SLC25A48: variants seen among roughly 807,000 people sequenced by gnomAD.
SLC25A48 encodes the protein CTC-321K16.1.
Under a neutral mutation model 32.2 loss-of-function variants are expected in SLC25A48, and 29 were observed. That is an observed-to-expected ratio of 0.90 (90% CI 0.67 to 1.23). The LOEUF (loss-of-function observed/expected upper bound fraction) is 1.23. SLC25A48 is among the 50% of genes most tolerant of loss of function. The probability of loss-of-function intolerance (pLI) is 0.00; values close to 1 mark genes in which losing one functional copy is unlikely to be tolerated. For missense variants in SLC25A48, 399 were observed against 422.7 expected (o/e 0.94, Z 0.49); for synonymous variants, 164 against 172.3 (o/e 0.95, Z 0.38).
At chr5:135,882,776 G>A (rs1762570447) in intron 7 of SLC25A48, among the ~76,000 whole-genome samples, 1 of 152,194 alleles carries the variant, frequency 6.6e-6, no homozygotes, top group Non-Finnish European at 1.5e-5. Flanking sequence ...GAGCTCCCTG[G>A]AATAGTGCTG....
At chr5:135,858,749 T>C (rs1037064471) in intron 4 of SLC25A48, among the ~76,000 whole-genome samples, 2 of 152,234 alleles carry the variant, frequency 1.3e-5, no homozygotes, top group East Asian at 1.9e-4. Flanking sequence ...AAAATTGTCA[T>C]GCACACAAAT....
chr5:135,885,471 A>G (rs1762682112), intron 7 of SLC25A48, among the ~76,000 whole-genome samples: 1 of 152,008 alleles, frequency 6.6e-6, no homozygotes, highest in Non-Finnish European at 1.5e-5. Flanking sequence ...CAGATGCTTT[A>G]AGCCCTTAGA....
intron 3 of SLC25A48, among the ~76,000 whole-genome samples, chr5:135,765,188 C>T (rs1321427385): frequency 6.6e-6 from 1 of 151,002 alleles, no homozygotes; most frequent in Non-Finnish European, 1.5e-5. Flanking sequence ...GGTGTACACC[C>T]CTCTGTTTTA....
intron 4 of SLC25A48, among the ~76,000 whole-genome samples, chr5:135,829,252 C>T (rs1356233117): frequency 4.6e-5 from 7 of 152,152 alleles, no homozygotes; most frequent in Admixed American, 3.3e-4. Context: ...TCAGATGGGA[C>T]CTTGACAGCA....
chr5:135,610,345 TTAATA>T (rs1752037554), intron 1 of SLC25A48, among the ~76,000 whole-genome samples: 1 of 152,244 alleles, frequency 6.6e-6, no homozygotes, highest in Admixed American at 6.5e-5. Flanking sequence ...GTGCTGACTT[TTAATA>T]TAATTATTTA....
chr5:135,878,533 C>T (rs941105991), intron 6 of SLC25A48, among the ~76,000 whole-genome samples: 3 of 152,174 alleles, frequency 2.0e-5, no homozygotes, highest in East Asian at 1.9e-4. Context: ...GATCCTTGTC[C>T]ATCAGCCCCT....
intron 1 of SLC25A48, among the ~76,000 whole-genome samples, chr5:135,837,202 G>A (rs1250866128): frequency 2.0e-5 from 3 of 151,942 alleles, no homozygotes; most frequent in African/African-American, 7.3e-5. Flanking sequence ...GGAGCCTGAG[G>A]ACCAGCGCAC....
At chr5:135,845,107 A>G (rs79755691) in intron 2 of SLC25A48, among the ~76,000 whole-genome samples, 20,281 of 152,294 alleles carry the variant, frequency 0.13, 1,770 homozygotes, top group Non-Finnish European at 0.19. Flanking sequence ...CAGGAAGTCC[A>G]AAACCAAGGT....
chr5:135,609,510 G>A (rs1031061388), intron 1 of SLC25A48: 12 of 152,256 alleles, frequency 7.9e-5, no homozygotes, highest in African/African-American at 2.7e-4. Flanking sequence ...CTGTTCAGAT[G>A]AGGTGATTGG....
At chr5:135,639,686 C>G (rs1044895109) in intron 3 of SLC25A48, among the ~76,000 whole-genome samples, 14 of 152,120 alleles carry the variant, frequency 9.2e-5, no homozygotes, top group African/African-American at 3.1e-4. Flanking sequence ...GGAATAAGGA[C>G]CATGCTCTAG....
chr5:135,616,041 A>G (rs1056917128), intron 1 of SLC25A48, among the ~76,000 whole-genome samples: 3 of 152,228 alleles, frequency 2.0e-5, no homozygotes, highest in Admixed American at 6.5e-5. Context: ...TGCACAGTGC[A>G]AGAGTTGAGA....
intron 4 of SLC25A48, chr5:135,822,123 A>G (rs1757904951): frequency 6.6e-6 from 1 of 152,152 alleles, no homozygotes; most frequent in African/African-American, 2.4e-5. Flanking sequence ...TCCAGTGCCC[A>G]CTGGATGGCA....
chr5:135,707,514 C>T (rs934944974), intron 3 of SLC25A48, among the ~76,000 whole-genome samples: 9 of 152,188 alleles, frequency 5.9e-5, no homozygotes, highest in Non-Finnish European at 1.0e-4. Flanking sequence ...TTCAGACTCC[C>T]GCCGCCCCCG....
At chr5:135,711,021 C>T (rs1336901895) in intron 3 of SLC25A48, among the ~76,000 whole-genome samples, 5 of 152,234 alleles carry the variant, frequency 3.3e-5, no homozygotes, top group East Asian at 1.9e-4. Context: ...TTAGAAGCCT[C>T]GCCATAAAAT....
chr5:135,666,548 C>A (rs1046625135), intron 3 of SLC25A48, among the ~76,000 whole-genome samples: 1 of 151,998 alleles, frequency 6.6e-6, no homozygotes, highest in Non-Finnish European at 1.5e-5. Context: ...GAAACAGGGA[C>A]CAACTTATAG....
At chr5:135,675,674 T>G (rs1371289520) in intron 3 of SLC25A48, among the ~76,000 whole-genome samples, 1 of 152,076 alleles carries the variant, frequency 6.6e-6, no homozygotes. Flanking sequence ...AAGATTGCTT[T>G]GGCTATTTAA....
intron 3 of SLC25A48, among the ~76,000 whole-genome samples, chr5:135,808,119 G>A (rs1757506213): frequency 6.6e-6 from 1 of 150,436 alleles, no homozygotes; most frequent in Admixed American, 6.6e-5. Flanking sequence ...ATATCACAGT[G>A]TGTTAAAACT....
intron 3 of SLC25A48, among the ~76,000 whole-genome samples, chr5:135,711,982 G>A (rs557259001): frequency 5.2e-4 from 78 of 150,794 alleles, no homozygotes; most frequent in African/African-American, 1.9e-3. Context: ...CAGTCCCTCT[G>A]AAGCACAGTT....
rs79697369 is a variant in SLC25A48, at chr5:135,756,845, C to T, written c.-520-55678C>T. 9.7e-3 allele frequency among the ~76,000 whole-genome samples: 1,466 copies of T among 151,318 alleles called. 33 individuals are homozygous for T. Among genetic ancestry groups the T allele is most frequent in the African/African-American group, 0.033 (1,382 of 41,336 alleles). ...TGATATTTATAATATCTAGTGTTAA[C>T]ACAGTGTTAGCACACTATATTAATA... is the stretch of plus-strand genomic sequence containing the variant. On this transcript the variant is annotated intron_variant, in intron 3 of 10. Transcript: ENST00000646290.
Sources: gnomAD v4.1 joint callset for allele counts (sites outside exome capture counted in the v4.1 genomes callset) on GRCh38, gnomAD v4.1.1 for gene constraint, MANE v1.5 for transcripts, NCBI Gene and HGNC (gene_info 2026-07-23, HGNC 2026-07-21) for gene names.